Variants in NR2F1-AS1 observed in about 807,000 individuals in gnomAD.
The protein encoded by NR2F1-AS1 is NR2F1 antisense RNA 1.
intron 4 of NR2F1-AS1, among the ~76,000 whole-genome samples, chr5:93,508,533 C>A (rs1482734778): frequency 2.0e-5 from 3 of 151,710 alleles, no homozygotes; most frequent in African/African-American, 7.3e-5. Flanking sequence ...TGAAAATTAA[C>A]CATATGACAT....
rs1425864411 is a variant in NR2F1-AS1, at chr5:93,416,128, CAG to C, written n.639-20588_639-20587del. 5.3e-5 allele frequency among the ~76,000 whole-genome samples: 8 copies of C among 152,286 alleles called. No individual in the cohort carries two copies. In the East Asian group the frequency reaches 1.5e-3, roughly 29 times the overall value. ...TTTCTCACCCACACAGCTTATGAAA[CAG>C]GGGAAACAAGAAGATGAAAATAAAA... On this transcript the variant is annotated intron_variant and non_coding_transcript_variant, in intron 4 of 5. Coordinates refer to ENST00000660523, the Ensembl canonical transcript of NR2F1-AS1.
chr5:93,507,163 C>G, intron 4 of NR2F1-AS1, among the ~76,000 whole-genome samples: 1 of 152,030 alleles, frequency 6.6e-6, no homozygotes, highest in Non-Finnish European at 1.5e-5. Flanking sequence ...TATTAAGAAA[C>G]TTTTAGCAAA....
intron 4 of NR2F1-AS1, among the ~76,000 whole-genome samples, chr5:93,426,575 C>A (rs1178219561): frequency 6.6e-6 from 1 of 152,224 alleles, no homozygotes; most frequent in Admixed American, 6.5e-5. Context: ...TATCTCTGCA[C>A]TACTTTTTTC....
intron 4 of NR2F1-AS1, among the ~76,000 whole-genome samples, chr5:93,456,703 C>T (rs1035198870): frequency 3.3e-5 from 5 of 151,034 alleles, no homozygotes; most frequent in East Asian, 1.9e-4. Context: ...CCCAGGGAAC[C>T]GGCGTTCAGC....
chr5:93,482,463 G>A (rs918755221), intron 4 of NR2F1-AS1, among the ~76,000 whole-genome samples: 5 of 152,096 alleles, frequency 3.3e-5, no homozygotes, highest in Admixed American at 6.6e-5. Flanking sequence ...CACAGACCAG[G>A]AGATTCCCTC....
intron 4 of NR2F1-AS1, among the ~76,000 whole-genome samples, chr5:93,509,922 T>C (rs1751262215): frequency 6.6e-6 from 1 of 152,036 alleles, no homozygotes; most frequent in Non-Finnish European, 1.5e-5. Flanking sequence ...ATAGTCTCGA[T>C]GAATATGTAA....
upstream of NR2F1-AS1, chr5:93,583,737 G>A (rs1030849003): frequency 6.6e-6 from 1 of 152,150 alleles, no homozygotes; most frequent in Admixed American, 6.5e-5. Flanking sequence ...AGAAGAAGGA[G>A]CAAGAAAGAG....
At chr5:93,581,726 CT>C (rs1440543112), upstream of NR2F1-AS1, among the ~76,000 whole-genome samples, 18 of 67,100 alleles carry the variant, frequency 2.7e-4, no homozygotes, top group African/African-American at 1.2e-3. Flanking sequence ...CTCTCTCTCT[CT>C]CTCTCTCCCC....
chr5:93,496,363 T>C (rs1303402635), intron 4 of NR2F1-AS1, among the ~76,000 whole-genome samples: 2 of 152,090 alleles, frequency 1.3e-5, no homozygotes, highest in Non-Finnish European at 2.9e-5. Flanking sequence ...GGAAAATATA[T>C]ATTGGCAAGA....
At chr5:93,581,752 CT>C (rs1753064071), upstream of NR2F1-AS1, among the ~76,000 whole-genome samples, 11 of 52,792 alleles carry the variant, frequency 2.1e-4, no homozygotes, top group African/African-American at 8.3e-4. Context: ...CCCTCTCCCT[CT>C]CCCTCTCCTC....
chr5:93,444,328 C>T (rs1441705763), intron 4 of NR2F1-AS1, among the ~76,000 whole-genome samples: 2 of 152,050 alleles, frequency 1.3e-5, no homozygotes, highest in Non-Finnish European at 2.9e-5. Context: ...GAGACACACA[C>T]AGGCTCAAAA....
intron 4 of NR2F1-AS1, among the ~76,000 whole-genome samples, chr5:93,450,232 T>C (rs1019779294): frequency 6.6e-6 from 1 of 152,208 alleles, no homozygotes; most frequent in Non-Finnish European, 1.5e-5. Flanking sequence ...TTTAAGTCAT[T>C]TCTCAAATTT....
intron 4 of NR2F1-AS1, among the ~76,000 whole-genome samples, chr5:93,549,051 CATGA>C (rs1752162418): frequency 6.6e-6 from 1 of 152,052 alleles, no homozygotes; most frequent in Non-Finnish European, 1.5e-5. Flanking sequence ...ATTGCCTAAT[CATGA>C]ATAAGACTTT....
intron 4 of NR2F1-AS1, among the ~76,000 whole-genome samples, chr5:93,469,658 A>G (rs1750324717): frequency 6.6e-6 from 1 of 152,078 alleles, no homozygotes. Context: ...TTCCTTGCAC[A>G]CAGTAAATAC....
At chr5:93,442,019 A>G (rs1014658050) in intron 4 of NR2F1-AS1, among the ~76,000 whole-genome samples, 2 of 152,250 alleles carry the variant, frequency 1.3e-5, no homozygotes, top group African/African-American at 4.8e-5. Flanking sequence ...TGCATGACCC[A>G]CAAAACCTAA....
chr5:93,516,019 T>C lies in NR2F1-AS1; in HGVS notation n.638+37742A>G, dbSNP rs578123835. On this transcript the variant is annotated intron_variant and non_coding_transcript_variant, in intron 4 of 5. Transcript: ENST00000660523. ...AGTTTTCATAGTTAATATGGTCAAA[T>C]ATTGGAGCAAAGACAATTTGTGCCT... Among the ~76,000 whole-genome samples the C allele has an allele frequency of 2.6e-5, 4 of 151,938 alleles. No individual in the cohort carries two copies. In the South Asian group the frequency reaches 8.3e-4, roughly 31 times the overall value.
At chr5:93,571,696 G>C (rs1254167040) in intron 1 of NR2F1-AS1, among the ~76,000 whole-genome samples, 1 of 152,014 alleles carries the variant, frequency 6.6e-6, no homozygotes, top group Non-Finnish European at 1.5e-5. Context: ...ATAAGATATA[G>C]ACGGTGATTG....
At chr5:93,446,833 T>A (rs1306097283) in intron 4 of NR2F1-AS1, among the ~76,000 whole-genome samples, 1 of 152,216 alleles carries the variant, frequency 6.6e-6, no homozygotes, top group African/African-American at 2.4e-5. Context: ...CAAAACAGCA[T>A]GGTACTGGTA....
chr5:93,439,787 C>T (rs1393873387), intron 4 of NR2F1-AS1, among the ~76,000 whole-genome samples: 1 of 152,160 alleles, frequency 6.6e-6, no homozygotes, highest in Non-Finnish European at 1.5e-5. Context: ...ATTTTATCTC[C>T]TCCAGGAAGG....
Sources: gnomAD v4.1 joint callset for allele counts (sites outside exome capture counted in the v4.1 genomes callset) on GRCh38, gnomAD v4.1.1 for gene constraint, MANE v1.5 for transcripts, NCBI Gene and HGNC (gene_info 2026-07-23, HGNC 2026-07-21) for gene names.